TMEM108: variants seen among roughly 807,000 people sequenced by gnomAD.
The protein encoded by TMEM108 is cancer/testis antigen 124.
A neutral mutation model predicts 35.1 loss-of-function variants in TMEM108; 12 were observed. The observed-to-expected ratio is 0.34, with a 90% confidence interval of 0.22 to 0.55. TMEM108 has a LOEUF of 0.55. Among genes scored for constraint, TMEM108 ranks in the 20% least tolerant of loss-of-function variants. The probability of loss-of-function intolerance (pLI) is 0.89; values close to 1 mark genes in which losing one functional copy is unlikely to be tolerated. For missense variants in TMEM108, 680 were observed against 753.3 expected (o/e 0.90, Z 1.14); for synonymous variants, 287 against 308.6 (o/e 0.93, Z 0.73).
chr3:133,312,844 C>T (rs918879482), intron 3 of TMEM108, among the ~76,000 whole-genome samples: 3 of 152,206 alleles, frequency 2.0e-5, no homozygotes, highest in Admixed American at 2.0e-4. Flanking sequence ...AGAGCTCTTC[C>T]TTTTGGGCCA....
At chr3:133,271,177 T>C (rs1305642514) in intron 3 of TMEM108, among the ~76,000 whole-genome samples, 1 of 152,020 alleles carries the variant, frequency 6.6e-6, no homozygotes, top group African/African-American at 2.4e-5. Context: ...AAATGGACAA[T>C]TGTAGAGACC....
chr3:133,129,515 G>A (rs1944462247), intron 2 of TMEM108, among the ~76,000 whole-genome samples: 1 of 152,140 alleles, frequency 6.6e-6, no homozygotes, highest in Non-Finnish European at 1.5e-5. Flanking sequence ...GCTCTGGTTG[G>A]AGGCCAACTT....
At chr3:133,183,913 T>G (rs1320174557) in intron 2 of TMEM108, among the ~76,000 whole-genome samples, 10 of 151,994 alleles carry the variant, frequency 6.6e-5, no homozygotes, top group Non-Finnish European at 1.2e-4. Flanking sequence ...CGTACCTACT[T>G]GGGGGCATTG....
intron 3 of TMEM108, among the ~76,000 whole-genome samples, chr3:133,325,740 TAAA>T (rs1012490726): frequency 1.3e-5 from 2 of 149,440 alleles, no homozygotes; most frequent in African/African-American, 4.9e-5. Flanking sequence ...AATAATAAAA[TAAA>T]AATAAAAAAT....
intron 2 of TMEM108, among the ~76,000 whole-genome samples, chr3:133,081,753 T>C (rs1943813948): frequency 6.6e-6 from 1 of 151,806 alleles, no homozygotes; most frequent in Admixed American, 6.6e-5. Flanking sequence ...GGAAAGATAA[T>C]AGGGAAAGGG....
chr3:133,370,921 T>TGTGTGCGC (rs142623622), intron 3 of TMEM108, among the ~76,000 whole-genome samples: 1 of 139,290 alleles, frequency 7.2e-6, no homozygotes, highest in African/African-American at 2.6e-5. Context: ...TGTGTGTGTG[T>TGTGTGCGC]GCCAGGAAGC....
chr3:133,205,493 G>A lies in TMEM108; in HGVS notation c.-46-23773G>A, dbSNP rs182950728. On this transcript the variant is annotated intron_variant, in intron 2 of 5. Coordinates refer to ENST00000321871, the MANE Select transcript of TMEM108 (RefSeq NM_023943.4). ...TTCCTTCAGGAGCTCTTGTAAGGCA[G>A]GCCTGGTGGTGACAAAATCTCTCAG... 1.4e-3 allele frequency among the ~76,000 whole-genome samples: 217 copies of A among 152,266 alleles called. 1 individual carries two copies. The highest frequency in any genetic ancestry group is 4.7e-3 in the African/African-American group (194 of 41,560).
chr3:133,274,286 G>A (rs1559889221), intron 3 of TMEM108, among the ~76,000 whole-genome samples: 1 of 152,170 alleles, frequency 6.6e-6, no homozygotes, highest in African/African-American at 2.4e-5. Context: ...TGCTTCTGTC[G>A]AGGCTGTAGA....
intron 1 of TMEM108, among the ~76,000 whole-genome samples, chr3:133,038,979 C>A (rs114458895): frequency 6.6e-6 from 1 of 152,192 alleles, no homozygotes; most frequent in Non-Finnish European, 1.5e-5. Flanking sequence ...ACGGAGCCTC[C>A]GTGCTGCCCG....
chr3:133,196,929 A>G (rs889269969), intron 2 of TMEM108, among the ~76,000 whole-genome samples: 1 of 152,242 alleles, frequency 6.6e-6, no homozygotes, highest in Non-Finnish European at 1.5e-5. Context: ...CCCTGCTACC[A>G]GTAAGAGAGG....
At chr3:133,051,705 G>A (rs1267227351) in intron 2 of TMEM108, among the ~76,000 whole-genome samples, 1 of 152,122 alleles carries the variant, frequency 6.6e-6, no homozygotes, top group East Asian at 1.9e-4. Context: ...TGTAAGGTCT[G>A]TGTCTAGATT....
rs561351067 is a variant in TMEM108, at chr3:133,163,389, T to C, written c.-46-65877T>C. Among the ~76,000 whole-genome samples, 28 of 152,292 alleles carry C rather than the reference T, an allele frequency of 1.8e-4. 1 individual carries two copies. The South Asian group carries it at 5.6e-3, about 30-fold the overall frequency. Reference sequence around the variant, plus strand: ...AACTACACGTTTCCCTGGGATGGCATGGTGTTGTCCAACCAACTTATGCCA... The same window carrying C: ...AACTACACGTTTCCCTGGGATGGCACGGTGTTGTCCAACCAACTTATGCCA... On this transcript the variant is annotated intron_variant, in intron 2 of 5. Coordinates refer to ENST00000321871, the MANE Select transcript of TMEM108 (RefSeq NM_023943.4).
At chr3:133,338,277 A>G (rs1375080422) in intron 3 of TMEM108, among the ~76,000 whole-genome samples, 1 of 152,214 alleles carries the variant, frequency 6.6e-6, no homozygotes, top group Non-Finnish European at 1.5e-5. Context: ...AAACTCCCAA[A>G]CGTCAAGGAT....
At chr3:133,135,230 A>C (rs991576418) in intron 2 of TMEM108, among the ~76,000 whole-genome samples, 3 of 150,772 alleles carry the variant, frequency 2.0e-5, no homozygotes, top group Admixed American at 2.0e-4. Flanking sequence ...CTCTTCTAAT[A>C]GCAAACTCCG....
chr3:133,105,206 C>A (rs1316408204), intron 2 of TMEM108, among the ~76,000 whole-genome samples: 1 of 152,168 alleles, frequency 6.6e-6, no homozygotes, highest in African/African-American at 2.4e-5. Flanking sequence ...TCCGAGCTCA[C>A]CAGGTGGTTG....
At chr3:133,340,967 G>A (rs2071644129) in intron 3 of TMEM108, among the ~76,000 whole-genome samples, 1 of 151,670 alleles carries the variant, frequency 6.6e-6, no homozygotes, top group South Asian at 2.1e-4. Context: ...TACTGAATGG[G>A]GAAAAACTAA....
At chr3:133,066,989 A>G (rs1943615683) in intron 2 of TMEM108, among the ~76,000 whole-genome samples, 1 of 152,158 alleles carries the variant, frequency 6.6e-6, no homozygotes, top group African/African-American at 2.4e-5. Flanking sequence ...ATTTGTACCT[A>G]TAGTTCATTC....
rs572712691 is a variant in TMEM108 at position 133,040,143 on chromosome 3, C to T, written c.-166+1708C>T. Among the ~76,000 whole-genome samples, 6 of 151,578 alleles carry T rather than the reference C, an allele frequency of 4.0e-5. No homozygotes were observed. In the South Asian group the frequency reaches 1.2e-3, roughly 32 times the overall value. The stretch of plus-strand genomic sequence containing the variant: ...ATAGGTTGTCACCTGATAGACTTCA[C>T]ACAAACCAAATTAGTGGGAATAATT... On this transcript the variant is annotated intron_variant, in intron 1 of 5. Coordinates refer to ENST00000321871, the MANE Select transcript of TMEM108 (RefSeq NM_023943.4).
intron 3 of TMEM108, among the ~76,000 whole-genome samples, chr3:133,280,130 G>A (rs990466198): frequency 6.6e-6 from 1 of 152,130 alleles, no homozygotes; most frequent in Non-Finnish European, 1.5e-5. Context: ...CTTCTCCCCT[G>A]CTGAGGAGTC....
Sources: gnomAD v4.1 joint callset for allele counts (sites outside exome capture counted in the v4.1 genomes callset) on GRCh38, gnomAD v4.1.1 for gene constraint, MANE v1.5 for transcripts, NCBI Gene and HGNC (gene_info 2026-07-23, HGNC 2026-07-21) for gene names.